Variants in MGMT observed in about 807,000 individuals in gnomAD.
MGMT encodes O-6-methylguanine-DNA methyltransferase.
In MGMT, 14 loss-of-function variants were observed where a neutral mutation model predicts 15.9. The observed-to-expected ratio is 0.88, with a 90% CI of 0.58 to 1.37. The LOEUF (loss-of-function observed/expected upper bound fraction) is 1.37. Among genes scored for constraint, MGMT ranks in the 40% most tolerant of loss-of-function variants. The pLI, the probability that MGMT is intolerant of heterozygous loss-of-function variation, is 0.00. For missense variants in MGMT, 282 were observed against 268.1 expected (o/e 1.05, Z -0.36); for synonymous variants, 130 against 118.2 (o/e 1.10, Z -0.65).
intron 2 of MGMT, among the ~76,000 whole-genome samples, chr10:129,686,789 T>G (rs1847909258): frequency 6.6e-6 from 1 of 152,160 alleles, no homozygotes; most frequent in African/African-American, 2.4e-5. Context: ...ACAGAAGTCA[T>G]GAGTTTGAAG....
chr10:129,577,948 G>A (rs56896247), intron 2 of MGMT, among the ~76,000 whole-genome samples: 1 of 152,136 alleles, frequency 6.6e-6, no homozygotes. Flanking sequence ...ACCATCACTG[G>A]CCATCAGAGA....
chr10:129,517,495 C>T (rs540476487), intron 1 of MGMT, among the ~76,000 whole-genome samples: 9 of 152,318 alleles, frequency 5.9e-5, no homozygotes, highest in Admixed American at 6.5e-5. Flanking sequence ...TTCTCTACCT[C>T]GGTTTACCTT....
chr10:129,699,216 G>A (rs1287651752), intron 2 of MGMT, among the ~76,000 whole-genome samples: 1 of 152,094 alleles, frequency 6.6e-6, no homozygotes, highest in Non-Finnish European at 1.5e-5. Context: ...GATCTGCCAA[G>A]TATACTATTT....
At chr10:129,591,754 AC>A (rs1188546201) in intron 2 of MGMT, among the ~76,000 whole-genome samples, 4 of 152,088 alleles carry the variant, frequency 2.6e-5, no homozygotes, top group African/African-American at 2.4e-5. Context: ...ACATAGTGAA[AC>A]CCTATCTCTT....
chr10:129,736,606 G>T (rs1025366845), intron 3 of MGMT, among the ~76,000 whole-genome samples: 3 of 151,904 alleles, frequency 2.0e-5, no homozygotes, highest in African/African-American at 7.3e-5. Context: ...CTGTCATTAT[G>T]ATGTTAGCTG....
intron 2 of MGMT, among the ~76,000 whole-genome samples, chr10:129,691,612 C>G (rs992346818): frequency 4.6e-5 from 7 of 152,066 alleles, no homozygotes; most frequent in Non-Finnish European, 8.8e-5. Flanking sequence ...CCGGGGGGAG[C>G]ACAAAGAAGC....
At chr10:129,605,265 C>G (rs1203721329) in intron 2 of MGMT, among the ~76,000 whole-genome samples, 1 of 152,166 alleles carries the variant, frequency 6.6e-6, no homozygotes, top group Non-Finnish European at 1.5e-5. Flanking sequence ...ATAGTGTAAA[C>G]TAATGATATT....
chr10:129,739,025 A>T (rs985778141), intron 3 of MGMT, among the ~76,000 whole-genome samples: 1 of 152,256 alleles, frequency 6.6e-6, no homozygotes, highest in Admixed American at 6.5e-5. Flanking sequence ...AACATGTTCC[A>T]TCACGTAAAC....
At chr10:129,493,755 A>G (rs1845492812) in intron 1 of MGMT, among the ~76,000 whole-genome samples, 2 of 152,162 alleles carry the variant, frequency 1.3e-5, no homozygotes, top group Admixed American at 6.5e-5. Context: ...CAACTTGCTC[A>G]CTAATATTTA....
intron 4 of MGMT, among the ~76,000 whole-genome samples, 199 bp downstream of exon 4, chr10:129,759,540 G>T (rs1848847443): frequency 1.3e-5 from 2 of 152,144 alleles, no homozygotes; most frequent in Admixed American, 1.3e-4. Context: ...ACTCCTGGAA[G>T]CTCCCCCCTA....
At chr10:129,627,433 A>AT (rs1247470741) in intron 2 of MGMT, among the ~76,000 whole-genome samples, 1 of 149,342 alleles carries the variant, frequency 6.7e-6, no homozygotes, top group Non-Finnish European at 1.5e-5. Flanking sequence ...GAAAGAAAGA[A>AT]AAAAGCAGCT....
At chr10:129,745,111 A>C (rs2133175158) in intron 3 of MGMT, among the ~76,000 whole-genome samples, 1 of 152,250 alleles carries the variant, frequency 6.6e-6, no homozygotes, top group Admixed American at 6.5e-5. Flanking sequence ...TTTTGCAGAA[A>C]ATGTGACCTA....
At chr10:129,591,154 AGGCGAGACT>A (rs1179309677) in intron 2 of MGMT, among the ~76,000 whole-genome samples, 6 of 152,172 alleles carry the variant, frequency 3.9e-5, no homozygotes, top group Non-Finnish European at 1.5e-5. Context: ...CCCCAGGAGA[AGGCGAGACT>A]GGCCAGAACT....
intron 2 of MGMT, among the ~76,000 whole-genome samples, chr10:129,704,312 C>T (rs114674696): frequency 0.018 from 2,720 of 152,230 alleles, 77 homozygotes; most frequent in African/African-American, 0.063. Context: ...GTTGCCTGCT[C>T]GGCAGGCCCA....
intron 2 of MGMT, among the ~76,000 whole-genome samples, chr10:129,672,001 G>C (rs905543604): frequency 1.3e-5 from 2 of 152,174 alleles, no homozygotes; most frequent in African/African-American, 4.8e-5. Context: ...CTTTATATCA[G>C]TAGAGTTTAT....
At chr10:129,731,729 TAAC>T (rs368970027) in intron 3 of MGMT, among the ~76,000 whole-genome samples, 102 of 152,292 alleles carry the variant, frequency 6.7e-4, no homozygotes, top group African/African-American at 2.3e-3. Flanking sequence ...TATTTAAAAA[TAAC>T]AACAGTAAAC....
At chr10:129,489,622 C>CTCTTGGATT (rs1845447860) in intron 1 of MGMT, among the ~76,000 whole-genome samples, 1 of 152,228 alleles carries the variant, frequency 6.6e-6, no homozygotes, top group South Asian at 2.1e-4. Flanking sequence ...CTCTCTGTCT[C>CTCTTGGATT]TCTTGGATTT....
chr10:129,593,291 T>C (rs2133055564), intron 2 of MGMT, among the ~76,000 whole-genome samples: 1 of 152,320 alleles, frequency 6.6e-6, no homozygotes, highest in South Asian at 2.1e-4. Context: ...AGCTGGTATT[T>C]GAGAAGGCTC....
intron 1 of MGMT, among the ~76,000 whole-genome samples, chr10:129,471,392 C>T (rs765482412): frequency 3.9e-5 from 6 of 152,048 alleles, no homozygotes; most frequent in Non-Finnish European, 7.3e-5. Flanking sequence ...AATAAATAAT[C>T]GCTAGTTATT....
Sources: gnomAD v4.1 joint callset for allele counts (sites outside exome capture counted in the v4.1 genomes callset) on GRCh38, gnomAD v4.1.1 for gene constraint, MANE v1.5 for transcripts, NCBI Gene and HGNC (gene_info 2026-07-23, HGNC 2026-07-21) for gene names.